The following CLSTN2 variants were observed in gnomAD, a reference collection of about 807,000 sequenced individuals.
The protein encoded by CLSTN2 is calsyntenin-2.
In CLSTN2, 48 loss-of-function variants were observed where a neutral mutation model predicts 101.2. That is an observed-to-expected ratio of 0.47 (90% CI 0.38 to 0.60). The LOEUF (loss-of-function observed/expected upper bound fraction) is 0.60. Among genes scored for constraint, CLSTN2 ranks in the 20% least tolerant of loss-of-function variants. The pLI is 0.00. For missense variants in CLSTN2, 1,160 were observed against 1,238.2 expected, an observed-to-expected ratio of 0.94 and a Z score of 0.95; for synonymous variants, 481 against 463.6, an observed-to-expected ratio of 1.04 and a Z score of -0.48.
chr3:140,522,727 A>C (rs980820402), intron 8 of CLSTN2, among the ~76,000 whole-genome samples: 8 of 152,114 alleles, frequency 5.3e-5, no homozygotes, highest in Middle Eastern at 3.2e-3. Context: ...AGATTCACTA[A>C]TTTTGTTCTC....
intron 1 of CLSTN2, among the ~76,000 whole-genome samples, chr3:140,006,950 TAA>T (rs752713611): frequency 1.4e-4 from 22 of 151,978 alleles, no homozygotes; most frequent in South Asian, 8.3e-4. Context: ...TTTTAGAAAA[TAA>T]AGATTAATGC....
chr3:140,432,947 C>A (rs570461278), intron 5 of CLSTN2, among the ~76,000 whole-genome samples: 2 of 152,184 alleles, frequency 1.3e-5, no homozygotes, highest in African/African-American at 4.8e-5. Flanking sequence ...TTCACTGAAC[C>A]CTGAAAACTG....
At chr3:140,157,690 G>A (rs1446392820) in intron 1 of CLSTN2, among the ~76,000 whole-genome samples, 4 of 151,356 alleles carry the variant, frequency 2.6e-5, no homozygotes, top group Non-Finnish European at 5.9e-5. Flanking sequence ...TCAAGTCTTG[G>A]TTTCATTGAT....
intron 4 of CLSTN2, among the ~76,000 whole-genome samples, chr3:140,417,646 A>G (rs2088445800): frequency 6.6e-6 from 1 of 152,210 alleles, no homozygotes; most frequent in South Asian, 2.1e-4. Flanking sequence ...CCAGGGACTT[A>G]TGTTCACCAT....
At chr3:140,111,056 G>A (rs930750558) in intron 1 of CLSTN2, among the ~76,000 whole-genome samples, 5 of 152,110 alleles carry the variant, frequency 3.3e-5, no homozygotes, top group African/African-American at 1.2e-4. Flanking sequence ...CACATCCAAG[G>A]TTTAATGTGT....
intron 1 of CLSTN2, among the ~76,000 whole-genome samples, chr3:140,074,529 A>G (rs2008453845): frequency 1.3e-5 from 2 of 152,202 alleles, no homozygotes; most frequent in Admixed American, 1.3e-4. Flanking sequence ...TCTTGCCCAA[A>G]TTGGTACATT....
chr3:140,005,557 G>A (rs1336546728), intron 1 of CLSTN2, among the ~76,000 whole-genome samples: 1 of 152,140 alleles, frequency 6.6e-6, no homozygotes, highest in African/African-American at 2.4e-5. Context: ...CCTTTTACCT[G>A]AAGCTTGATA....
At chr3:140,327,355 A>G (rs1282821515) in intron 2 of CLSTN2, among the ~76,000 whole-genome samples, 2 of 152,184 alleles carry the variant, frequency 1.3e-5, no homozygotes, top group African/African-American at 4.8e-5. Flanking sequence ...CTAAACACTC[A>G]CAACCTGCCT....
intron 10 of CLSTN2, among the ~76,000 whole-genome samples, chr3:140,555,270 C>A (rs1935771903): frequency 6.6e-6 from 1 of 152,186 alleles, no homozygotes; most frequent in Admixed American, 6.5e-5. Context: ...AGTAACATGA[C>A]CTCTGCTGAG....
intron 4 of CLSTN2, among the ~76,000 whole-genome samples, chr3:140,413,872 CA>C (rs2088395282): frequency 6.6e-6 from 1 of 152,026 alleles, no homozygotes; most frequent in Non-Finnish European, 1.5e-5. Flanking sequence ...AAATTCTCAA[CA>C]AATAATGTAT....
chr3:139,981,586 A>C (rs1935922995), intron 1 of CLSTN2, among the ~76,000 whole-genome samples: 1 of 152,204 alleles, frequency 6.6e-6, no homozygotes. Context: ...ATCTGATTAG[A>C]ATTAAATGGT....
At chr3:140,329,886 A>G (rs538105826) in intron 2 of CLSTN2, among the ~76,000 whole-genome samples, 1 of 152,364 alleles carries the variant, frequency 6.6e-6, no homozygotes, top group South Asian at 2.1e-4. Context: ...AATGTTACTC[A>G]AGAGCCAGGG....
rs1424271425 is a variant in CLSTN2 at position 140,419,508 on chromosome 3, T to C, written c.638-1617T>C. The stretch of plus-strand genomic sequence containing the variant: ...AAAAAAAAAAAAATATATATATATA[T>C]ATATACACACACATATGTGTGTGTA... On this transcript the variant is annotated intron_variant, in intron 4 of 16. Transcript: ENST00000458420. 3.0e-5 allele frequency among the ~76,000 whole-genome samples: 2 copies of C among 66,226 alleles called. 1 individual carries two copies. The highest frequency in any genetic ancestry group is 4.9e-5 in the Non-Finnish European group (2 of 41,012). 43.4% of individuals were successfully genotyped at this position (66,226 alleles called of 152,430 possible).
chr3:140,072,420 CGT>C (rs1162938786), intron 1 of CLSTN2, among the ~76,000 whole-genome samples: 1 of 152,070 alleles, frequency 6.6e-6, no homozygotes, highest in Non-Finnish European at 1.5e-5. Flanking sequence ...ATCAAAACCA[CGT>C]GTGTTAGTTA....
chr3:140,178,965 A>T (rs1357873993), intron 2 of CLSTN2, among the ~76,000 whole-genome samples: 1 of 151,964 alleles, frequency 6.6e-6, no homozygotes, highest in Non-Finnish European at 1.5e-5. Flanking sequence ...TTGTGCTCTT[A>T]TTTCTCTTAT....
intron 2 of CLSTN2, among the ~76,000 whole-genome samples, chr3:140,197,829 A>C (rs2010665858): frequency 6.6e-6 from 1 of 152,184 alleles, no homozygotes; most frequent in South Asian, 2.1e-4. Context: ...CCTCAGTTTT[A>C]GTTTCTATTC....
rs139860767 is a variant in CLSTN2 at position 140,562,874 on chromosome 3, C to G, written c.2276C>G (p.Pro759Arg). The G allele has an allele frequency of 6.2e-7, 1 of 1,614,110 alleles. No individual in the cohort carries two copies. The highest frequency in any genetic ancestry group is 8.5e-7 in the Non-Finnish European group (1 of 1,180,002). ...CACATCCGCTACCGCAACTGGCGTC[C>G]GGCTTCCCTTGAGGCCCGGCGTTTC... ...LHHIRYRNWR[P>R]ASLEARRFRI... The change falls in exon 14 of 17, where the codon CCG becomes CGG. Residue 759 changes from proline (P) to arginine (R), a missense_variant. Transcript: ENST00000458420.
intron 8 of CLSTN2, among the ~76,000 whole-genome samples, chr3:140,515,625 C>T (rs960659938): frequency 2.0e-5 from 3 of 151,880 alleles, no homozygotes; most frequent in African/African-American, 7.3e-5. Flanking sequence ...CGTTGTTTAC[C>T]CAACAAGCAT....
chr3:140,158,810 G>A (rs181964990), intron 1 of CLSTN2, among the ~76,000 whole-genome samples: 2 of 152,240 alleles, frequency 1.3e-5, no homozygotes, highest in Admixed American at 6.5e-5. Flanking sequence ...AAAACAGCAT[G>A]GTACTGGCAC....
Sources: gnomAD v4.1 joint callset for allele counts (sites outside exome capture counted in the v4.1 genomes callset) on GRCh38, gnomAD v4.1.1 for gene constraint, MANE v1.5 for transcripts, NCBI Gene and HGNC (gene_info 2026-07-23, HGNC 2026-07-21) for gene names.